Variants in UBOX5 observed in about 807,000 individuals in gnomAD.
The protein encoded by UBOX5 is U-box domain containing 5, also known as RING finger protein 37.
UBOX5 carries 28 observed loss-of-function variants against 39.0 expected under a neutral mutation model. The ratio of observed to expected loss-of-function variants is 0.72; its 90% CI spans 0.53 to 0.98. The LOEUF (loss-of-function observed/expected upper bound fraction) is 0.98, where lower values mean the gene tolerates loss of function less well. Among genes scored for constraint, UBOX5 ranks in the 50% least tolerant of loss-of-function variants. The pLI is 0.00. For missense variants in UBOX5, 585 were observed against 674.4 expected (o/e 0.87, Z 1.47); for synonymous variants, 283 against 275.5 (o/e 1.03, Z -0.27).
chr20:3,147,595 GA>G (rs1156548768), intron 1 of UBOX5: 1 of 1,614,188 alleles, frequency 6.2e-7, no homozygotes, highest in African/African-American at 1.3e-5. Flanking sequence ...GACTGAGAGC[GA>G]AATCAATTAA....
chr20:3,132,417 A>G (rs2066436654), intron 1 of UBOX5, among the ~76,000 whole-genome samples: 1 of 152,210 alleles, frequency 6.6e-6, no homozygotes, highest in South Asian at 2.1e-4. Context: ...ATTAGTTATA[A>G]GAAATGTACC....
chr20:3,156,054 C>T (rs1190992545), intron 1 of UBOX5, among the ~76,000 whole-genome samples: 1 of 152,076 alleles, frequency 6.6e-6, no homozygotes, highest in Non-Finnish European at 1.5e-5. Flanking sequence ...GTCAGGATGA[C>T]CAGATAGCGA....
In UBOX5 at chr20:3,147,986, A is replaced by AT. The variant is rs750827772; in HGVS notation, c.-42+11779dup. 8 of 1,614,208 alleles carry AT rather than the reference A, an allele frequency of 5.0e-6. No individual in the cohort carries two copies. In the South Asian group the frequency reaches 7.7e-5, roughly 16 times the overall value. On this transcript the variant is annotated intron_variant, in intron 1 of 4. Coordinates refer to ENST00000217173, the MANE Select transcript of UBOX5 (RefSeq NM_014948.4). ...GTGATCCACGTGAGTGAAACGGAAC[A>AT]TTTTAACAATATTCACTAAGGAGCG...
chr20:3,120,570 C>T lies in UBOX5; in HGVS notation c.1255+814G>A, dbSNP rs535904855. On this transcript the variant is annotated intron_variant, in intron 3 of 4. Coordinates refer to ENST00000217173, the MANE Select transcript of UBOX5 (RefSeq NM_014948.4). ...CTGAGGCAGGAGAATGGTGTGAACC[C>T]GGAAGGCAGAGCTTGCAGTGAGCCG... 3.6e-4 allele frequency among the ~76,000 whole-genome samples: 54 copies of T among 148,888 alleles called. 1 individual carries two copies. The highest frequency in any genetic ancestry group is 3.0e-3 in the Admixed American group (44 of 14,744).
intron 3 of UBOX5, among the ~76,000 whole-genome samples, chr20:3,119,181 C>T (rs767001341): frequency 5.9e-5 from 9 of 152,318 alleles, no homozygotes; most frequent in Middle Eastern, 3.4e-3. Context: ...CTCTCTGGAA[C>T]GCACAGCTCC....
rs1419600159 is a variant in UBOX5 at position 3,107,595 on chromosome 20, C to T, written c.*2511G>A. ...AGGTGACAGCAAAAGAAATTTTATT[C>T]CCATTTTCTAGGGGACAGAAACAGA... On this transcript the variant is annotated 3_prime_UTR_variant, in exon 5 of 5. Coordinates refer to ENST00000217173, the MANE Select transcript of UBOX5 (RefSeq NM_014948.4). This position sits in a 1 kb window ranked among gnomAD's most constrained non-coding sequence, Gnocchi z 5.0. 1.3e-5 allele frequency: 2 copies of T among 152,192 alleles called. No homozygotes were observed. The highest frequency in any genetic ancestry group is 2.9e-5 in the Non-Finnish European group (2 of 68,032). 9.4% of individuals were successfully genotyped at this position (152,192 alleles called of 1,614,324 possible).
In UBOX5 at chr20:3,146,866, T is replaced by C. The variant is rs189185842; in HGVS notation, c.-42+12900A>G. 1.4e-5 allele frequency: 22 copies of C among 1,614,230 alleles called. No individual in the cohort carries two copies. In the African/African-American group the frequency reaches 2.7e-4, roughly 20 times the overall value. On this transcript the variant is annotated intron_variant, in intron 1 of 4. Coordinates refer to ENST00000217173, the MANE Select transcript of UBOX5 (RefSeq NM_014948.4). ...GTAGTGGGAGCCATTCCCAGTAGGA[T>C]AACTCTACCACACGGTAGCCAAGCC...
intron 1 of UBOX5, among the ~76,000 whole-genome samples, chr20:3,158,857 T>C (rs748535450): frequency 6.6e-5 from 10 of 152,252 alleles, no homozygotes; most frequent in Non-Finnish European, 1.3e-4. Flanking sequence ...CTACAGAATC[T>C]AGTTCTGGAA....
At chr20:3,140,337 G>A (rs1257898410) in intron 1 of UBOX5, among the ~76,000 whole-genome samples, 4 of 151,966 alleles carry the variant, frequency 2.6e-5, no homozygotes, top group Non-Finnish European at 4.4e-5. Flanking sequence ...CAGTTTTTAC[G>A]TTTAAGAAAT....
chr20:3,113,355 G>C (rs1166725187), intron 4 of UBOX5, among the ~76,000 whole-genome samples: 3 of 151,870 alleles, frequency 2.0e-5, no homozygotes, highest in African/African-American at 7.3e-5. Context: ...GACTGCAGAG[G>C]AGGAGACATG....
intron 1 of UBOX5, chr20:3,156,911 C>T (rs2066691893): frequency 6.6e-6 from 1 of 152,152 alleles, no homozygotes; most frequent in Admixed American, 6.6e-5. Context: ...TAAATGAACA[C>T]TCCAACCCTA....
chr20:3,116,278 A>AC (rs1267938031), intron 3 of UBOX5, among the ~76,000 whole-genome samples: 1 of 152,156 alleles, frequency 6.6e-6, no homozygotes, highest in East Asian at 1.9e-4. Context: ...AGCAGTTTTT[A>AC]CCGAATAGAA....
At chr20:3,142,603 CAAAAA>C (rs899893927) in intron 1 of UBOX5, among the ~76,000 whole-genome samples, 1 of 50,834 alleles carries the variant, frequency 2.0e-5, no homozygotes, top group Non-Finnish European at 3.8e-5. Context: ...GACTCCGTCT[CAAAAA>C]AAAAAAAAAA....
In UBOX5 at chr20:3,149,914, G is replaced by A. The variant is rs972856494; in HGVS notation, c.-42+9852C>T. Among the ~76,000 whole-genome samples the A allele has an allele frequency of 3.3e-5, 5 of 151,852 alleles. No individual in the cohort carries two copies. The highest frequency in any genetic ancestry group is 2.6e-4 in the Admixed American group (4 of 15,260). ...CACACCTGTAATCCCAGCTACTCAG[G>A]AGGCTGAGGCAGGAGAATCCCTTGA... is the stretch of plus-strand genomic sequence containing the variant. On this transcript the variant is annotated intron_variant, in intron 1 of 4. Transcript: ENST00000217173. The surrounding 1 kb of genome is among the most constrained non-coding windows in gnomAD (Gnocchi z 4.1).
intron 1 of UBOX5, among the ~76,000 whole-genome samples, chr20:3,126,904 C>T (rs2066393600): frequency 6.6e-6 from 1 of 151,836 alleles, no homozygotes; most frequent in Non-Finnish European, 1.5e-5. Flanking sequence ...GGCATGGTGG[C>T]AGGCACCTGT....
chr20:3,159,004 T>C (rs941789070), intron 1 of UBOX5, among the ~76,000 whole-genome samples: 2 of 152,198 alleles, frequency 1.3e-5, no homozygotes, highest in Non-Finnish European at 2.9e-5. Context: ...GATGAAGCAC[T>C]GTCCAAGGGT....
intron 1 of UBOX5, among the ~76,000 whole-genome samples, chr20:3,145,184 ACT>A (rs1331111534): frequency 1.3e-5 from 2 of 151,420 alleles, no homozygotes; most frequent in Admixed American, 6.6e-5. Flanking sequence ...ACAGGGTCTC[ACT>A]CTGTCAGCCA....
At position 3,154,189 on chromosome 20, in the gene UBOX5, A is replaced by C. The variant is rs114518581; in HGVS notation, c.-42+5577T>G. 2.9e-3 allele frequency among the ~76,000 whole-genome samples: 441 copies of C among 152,372 alleles called. 3 individuals are homozygous for C. The highest frequency in any genetic ancestry group is 9.6e-3 in the African/African-American group (398 of 41,590). ...CAGGAAAAAGGTGAAGGAAGATCCC[A>C]GGACAAGAGCTGTGAACAGACATAA... is the stretch of plus-strand genomic sequence containing the variant. On this transcript the variant is annotated intron_variant, in intron 1 of 4. Coordinates refer to ENST00000217173, the MANE Select transcript of UBOX5 (RefSeq NM_014948.4).
intron 1 of UBOX5, chr20:3,150,410 T>A (rs2066612676): frequency 6.6e-6 from 1 of 152,164 alleles, no homozygotes; most frequent in Non-Finnish European, 1.5e-5. Context: ...TTCCAGTGAG[T>A]CTTTATTCTG....
Sources: gnomAD v4.1 joint callset for allele counts (sites outside exome capture counted in the v4.1 genomes callset) on GRCh38, gnomAD v4.1.1 for gene constraint, Gnocchi (gnomAD v3.1) non-coding constraint, MANE v1.5 for transcripts, NCBI Gene and HGNC (gene_info 2026-07-23, HGNC 2026-07-21) for gene names.